The following PTPRM variants were observed in gnomAD, a reference collection of about 807,000 sequenced individuals.
PTPRM encodes receptor-type tyrosine-protein phosphatase mu.
Under a neutral mutation model 186.7 loss-of-function variants are expected in PTPRM, and 47 were observed. The ratio of observed to expected loss-of-function variants is 0.25; its 90% CI spans 0.20 to 0.32. PTPRM has a LOEUF of 0.32. Ranked by LOEUF, PTPRM falls within the 10% of genes least tolerant of loss-of-function variation. The pLI, the probability that PTPRM is intolerant of heterozygous loss-of-function variation, is 1.00. For synonymous variants in PTPRM, 668 were observed against 674.9 expected, an observed-to-expected ratio of 0.99 and a Z score of 0.16; for missense variants, 1,494 against 1,865.0, an observed-to-expected ratio of 0.80 and a Z score of 3.66.
Position 8,035,422 on chromosome 18 carries a change from C to T in PTPRM, c.1133-34264C>T, listed in dbSNP as rs2086257210. Reference sequence around the variant, plus strand: ...CCCACCAGGACACCAAAATCTGCAGCTACTCAAGTCCCTGATATAAAGTGG... The same window carrying T: ...CCCACCAGGACACCAAAATCTGCAGTTACTCAAGTCCCTGATATAAAGTGG... On this transcript the variant is annotated intron_variant, in intron 7 of 32. Transcript: ENST00000580170. Among the ~76,000 whole-genome samples the T allele has an allele frequency of 2.6e-5, 4 of 152,304 alleles. No homozygotes were observed. The South Asian group carries it at 8.3e-4, about 32-fold the overall frequency.
At chr18:8,338,300 GA>G (rs1598356551) in intron 22 of PTPRM, among the ~76,000 whole-genome samples, 2 of 149,184 alleles carry the variant, frequency 1.3e-5, no homozygotes, top group Non-Finnish European at 3.0e-5. Flanking sequence ...TATATATATG[GA>G]AAAAAATTAA....
rs563287387 is a variant in PTPRM, at chr18:7,949,514, T to C, written c.838+159T>C. 2.0e-5 allele frequency among the ~76,000 whole-genome samples: 3 copies of C among 152,356 alleles called. No homozygotes were observed. In the South Asian group the frequency reaches 6.2e-4, roughly 32 times the overall value. The stretch of plus-strand genomic sequence containing the variant: ...ATGGATTGCATTTTAAGTACAAATT[T>C]TGCACGTGAACAATATTTTTGAAAA... On this transcript the variant is annotated intron_variant, in intron 6 of 32. Transcript: ENST00000580170.
chr18:7,899,950 G>C lies in PTPRM; in HGVS notation c.469-6555G>C, dbSNP rs951162858. Among the ~76,000 whole-genome samples, 3 of 152,318 alleles carry C rather than the reference G, an allele frequency of 2.0e-5. No homozygotes were observed. In the South Asian group the frequency reaches 6.2e-4, roughly 32 times the overall value. On this transcript the variant is annotated intron_variant, in intron 3 of 32. Transcript: ENST00000580170. ...ACACATGTGATATAATTGAAAACAA[G>C]TCAAGCCAGGGACAGGGTCTTCTTC... is the stretch of plus-strand genomic sequence containing the variant.
intron 14 of PTPRM, among the ~76,000 whole-genome samples, chr18:8,210,386 G>A (rs369092650): frequency 1.3e-5 from 2 of 152,238 alleles, no homozygotes; most frequent in South Asian, 4.1e-4. Flanking sequence ...AGAAGGCTGC[G>A]GGAGGACAGA....
At chr18:8,384,453 A>G (rs2095758543) in intron 29 of PTPRM, 108 bp from the exon 30 acceptor site, 11 of 1,258,188 alleles carry the variant, frequency 8.7e-6, no homozygotes, top group Admixed American at 5.7e-5. Flanking sequence ...GCAAGACCCT[A>G]TCTCTTAAAA....
At chr18:7,660,394 T>C (rs1187478322) in intron 1 of PTPRM, among the ~76,000 whole-genome samples, 1 of 152,094 alleles carries the variant, frequency 6.6e-6, no homozygotes, top group Admixed American at 6.6e-5. Flanking sequence ...GGTCGATTTA[T>C]GCTTCAAGAG....
At chr18:7,842,683 A>G (rs1488011391) in intron 2 of PTPRM, among the ~76,000 whole-genome samples, 1 of 151,980 alleles carries the variant, frequency 6.6e-6, no homozygotes, top group Non-Finnish European at 1.5e-5. Context: ...ATTGTAACAT[A>G]GAAACCCTGC....
chr18:7,608,307 C>A (rs1463459872), intron 1 of PTPRM, among the ~76,000 whole-genome samples: 2 of 152,182 alleles, frequency 1.3e-5, no homozygotes, highest in Admixed American at 6.5e-5. Flanking sequence ...CTCCTGACTT[C>A]ACACAGATTC....
At chr18:7,853,482 G>A (rs2046960302) in intron 2 of PTPRM, among the ~76,000 whole-genome samples, 2 of 152,192 alleles carry the variant, frequency 1.3e-5, no homozygotes, top group Non-Finnish European at 2.9e-5. Flanking sequence ...GAGTACAGTG[G>A]CTTCAGAAGT....
rs116172261 is a variant in PTPRM at position 7,783,154 on chromosome 18, G to A, written c.196+8883G>A. Among the ~76,000 whole-genome samples, 806 of 152,320 alleles carry A rather than the reference G, an allele frequency of 5.3e-3. 10 individuals are homozygous for A. The highest frequency in any genetic ancestry group is 0.018 in the African/African-American group (758 of 41,572). On this transcript the variant is annotated intron_variant, in intron 2 of 32. Transcript: ENST00000580170. ...CATGACAGATGTTGTACATCTTTTA[G>A]TTAGCATCTGGTAGTGGAGTGGGTG...
chr18:7,985,526 T>C (rs1361625623), intron 7 of PTPRM, among the ~76,000 whole-genome samples: 1 of 148,954 alleles, frequency 6.7e-6, no homozygotes, highest in Non-Finnish European at 1.5e-5. Context: ...TACTGGTAGA[T>C]ACGTATATAA....
At chr18:8,101,691 A>G (rs1028617305) in intron 11 of PTPRM, among the ~76,000 whole-genome samples, 1 of 152,126 alleles carries the variant, frequency 6.6e-6, no homozygotes, top group African/African-American at 2.4e-5. Flanking sequence ...AGACTTGTCT[A>G]CTCTAACCCC....
At chr18:7,904,013 T>G (rs2049844961) in intron 3 of PTPRM, among the ~76,000 whole-genome samples, 1 of 152,222 alleles carries the variant, frequency 6.6e-6, no homozygotes, top group African/African-American at 2.4e-5. Context: ...TATCTAAAGA[T>G]TTCATTTTTT....
chr18:7,903,158 G>T (rs975396801), intron 3 of PTPRM, among the ~76,000 whole-genome samples: 16 of 152,224 alleles, frequency 1.1e-4, no homozygotes, highest in African/African-American at 3.9e-4. Context: ...CACAGTGCCT[G>T]GCAGAGAGGT....
At chr18:7,712,782 C>G (rs1014735735) in intron 1 of PTPRM, among the ~76,000 whole-genome samples, 2 of 151,514 alleles carry the variant, frequency 1.3e-5, no homozygotes, top group African/African-American at 2.4e-5. Context: ...GATTGAAGAT[C>G]AACTTAATGA....
At chr18:7,594,394 C>T (rs527978540) in intron 1 of PTPRM, among the ~76,000 whole-genome samples, 2 of 151,966 alleles carry the variant, frequency 1.3e-5, no homozygotes, top group East Asian at 3.9e-4. Context: ...GTGGGAGAAT[C>T]GCTTGAGCCC....
intron 4 of PTPRM, among the ~76,000 whole-genome samples, chr18:7,925,397 T>G: frequency 6.6e-6 from 1 of 152,216 alleles, no homozygotes; most frequent in Non-Finnish European, 1.5e-5. Context: ...GGGGCTTTCC[T>G]GTGTGTTTTT....
At chr18:8,206,361 T>C (rs2093930812) in intron 14 of PTPRM, among the ~76,000 whole-genome samples, 2 of 151,984 alleles carry the variant, frequency 1.3e-5, no homozygotes, top group South Asian at 4.2e-4. Flanking sequence ...TTCACACCAT[T>C]CTCCTGCCTC....
At chr18:8,054,051 A>G (rs971140019) in intron 7 of PTPRM, among the ~76,000 whole-genome samples, 2 of 151,846 alleles carry the variant, frequency 1.3e-5, no homozygotes, top group Non-Finnish European at 2.9e-5. Flanking sequence ...AGCCTGTCAC[A>G]TTGTCTGTGT....
Sources: gnomAD v4.1 joint callset for allele counts (sites outside exome capture counted in the v4.1 genomes callset) on GRCh38, gnomAD v4.1.1 for gene constraint, MANE v1.5 for transcripts, NCBI Gene and HGNC (gene_info 2026-07-23, HGNC 2026-07-21) for gene names.